The following POLI variants were observed in gnomAD, a reference collection of about 807,000 sequenced individuals.
POLI encodes RAD30 homolog B.
POLI carries 58 observed loss-of-function variants against 51.6 expected under a neutral mutation model. The ratio of observed to expected loss-of-function variants is 1.12; its 90% CI spans 0.91 to 1.40. The LOEUF (loss-of-function observed/expected upper bound fraction) is 1.40, where lower values mean the gene tolerates loss of function less well. POLI is among the 40% of genes most tolerant of loss of function. The pLI is 0.00. For synonymous variants in POLI, 322 were observed against 299.7 expected, an observed-to-expected ratio of 1.07 and a Z score of -0.77; for missense variants, 921 against 871.3, an observed-to-expected ratio of 1.06 and a Z score of -0.72.
Position 54,297,581 on chromosome 18 carries a change from T to C in POLI, c.*3114T>C, listed in dbSNP as rs1284709753. 1 of 978,400 alleles carries C rather than the reference T, an allele frequency of 1.0e-6. No homozygotes were observed. Among genetic ancestry groups the C allele is most frequent in the Non-Finnish European group, 1.2e-6 (1 of 823,864 alleles). 60.6% of individuals were successfully genotyped at this position (978,400 alleles called of 1,614,324 possible). A position where few individuals can be genotyped will look rare whatever the true frequency, so the allele number is the denominator to read the frequency against. ...TTATTTTTTAATATATTTCTTTTTCTATGTTGTGCTTCTTTCCCACCTTTA... is the reference window on the plus strand; with the variant it reads ...TTATTTTTTAATATATTTCTTTTTCCATGTTGTGCTTCTTTCCCACCTTTA... On this transcript the variant is annotated 3_prime_UTR_variant, in exon 10 of 10. Transcript: ENST00000579534.
At chr18:54,307,261 T>G (rs559321215) in intron 3 of POLI, among the ~76,000 whole-genome samples, 1 of 152,358 alleles carries the variant, frequency 6.6e-6, no homozygotes, top group South Asian at 2.1e-4. Context: ...ACACACTGCT[T>G]TAAATATGTC....
At chr18:54,304,478 T>C (rs9675463) in intron 3 of POLI, among the ~76,000 whole-genome samples, 3,239 of 152,328 alleles carry the variant, frequency 0.021, 70 homozygotes, top group African/African-American at 0.063. Context: ...TGGTATCTCA[T>C]TGTGGTTTTG....
rs370925628 is a variant in POLI, at chr18:54,272,868, G to C, written c.242-1058G>C. On this transcript the variant is annotated intron_variant, in intron 2 of 9. Transcript: ENST00000579534. ...ATCTAGCAATCTGATTTTTTATGTA[G>C]TTCACTGAGGAATCTCAAATTATTA... 1.1e-4 allele frequency among the ~76,000 whole-genome samples: 16 copies of C among 151,938 alleles called. 1 individual carries two copies. In the South Asian group the frequency reaches 2.7e-3, roughly 26 times the overall value.
At chr18:54,275,024 A>G (rs1239161378) in intron 3 of POLI, 2 of 152,246 alleles carry the variant, frequency 1.3e-5, no homozygotes, top group Admixed American at 6.5e-5. Context: ...AGGAAATTTG[A>G]ATTAGTAAGA....
chr18:54,310,035 G>C (rs554678981), intron 3 of POLI, among the ~76,000 whole-genome samples: 1 of 152,178 alleles, frequency 6.6e-6, no homozygotes, highest in Non-Finnish European at 1.5e-5. Context: ...CCGGCCCCTT[G>C]TGCTTCCCAG....
rs202200799 is a variant in POLI at position 54,291,828 on chromosome 18, T to C, written c.1199-5T>C. ...ATAATGTTTATTCTTAAACATTTTA[T>C]TTAGGAAATTATGATGTGATGACCC... On this transcript the variant is annotated splice_polypyrimidine_tract_variant and splice_region_variant and intron_variant, in intron 8 of 9. Transcript: ENST00000579534. The C allele has an allele frequency of 1.6e-3, 2,215 of 1,376,622 alleles. 42 individuals carry two copies. In the South Asian group the frequency reaches 0.024, roughly 15 times the overall value. The allele number at this position is 1,376,622 out of a possible 1,614,324, so 85.3% of individuals were successfully genotyped here.
chr18:54,277,642 G>T (rs2087304181), intron 3 of POLI, 61 bp from the exon 4 acceptor site: 1 of 1,086,534 alleles, frequency 9.2e-7, no homozygotes, highest in Admixed American at 2.5e-5. Flanking sequence ...GCACTAGATA[G>T]TTAAATTTAT....
intron 8 of POLI, among the ~76,000 whole-genome samples, chr18:54,289,045 A>G (rs1015603173): frequency 2.0e-5 from 3 of 152,112 alleles, no homozygotes; most frequent in Non-Finnish European, 4.4e-5. Flanking sequence ...AACCTCATAG[A>G]TAATGTATTG....
At chr18:54,310,866 G>A (rs921421510) in intron 3 of POLI, among the ~76,000 whole-genome samples, 1 of 152,022 alleles carries the variant, frequency 6.6e-6, no homozygotes, top group African/African-American at 2.4e-5. Flanking sequence ...TGAGTTCTAG[G>A]TTTGGCCGCC....
chr18:54,284,040 C>T (rs759958791), intron 7 of POLI, 27 bp downstream of exon 7: 1 of 883,678 alleles, frequency 1.1e-6, no homozygotes, highest in Non-Finnish European at 1.8e-6. Flanking sequence ...TTTGCCAAGT[C>T]ATCCTATGTA....
At position 54,295,884 on chromosome 18, in the gene POLI, C is replaced by G. The variant is rs942832654; in HGVS notation, c.*1417C>G. Reference sequence around the variant, plus strand: ...CTCAGGTGATCCTCCACCTTGGCCTCCCAAAGTGCTGGGATTACAGGTGTG... The same window carrying G: ...CTCAGGTGATCCTCCACCTTGGCCTGCCAAAGTGCTGGGATTACAGGTGTG... On this transcript the variant is annotated 3_prime_UTR_variant, in exon 10 of 10. Transcript: ENST00000579534. 3 of 870,796 alleles carry G rather than the reference C, an allele frequency of 3.4e-6. No individual in the cohort carries two copies. In the African/African-American group the frequency reaches 5.5e-5, roughly 16 times the overall value. The allele number at this position is 870,796 out of a possible 1,614,324, so 53.9% of individuals were successfully genotyped here. A position where few individuals can be genotyped will look rare whatever the true frequency, so the allele number is the denominator to read the frequency against.
intron 3 of POLI, among the ~76,000 whole-genome samples, chr18:54,320,038 A>C (rs1487944361): frequency 6.6e-6 from 1 of 152,170 alleles, no homozygotes; most frequent in Admixed American, 6.6e-5. Flanking sequence ...AAATAGTAAA[A>C]ATTGCATACT....
intron 3 of POLI, among the ~76,000 whole-genome samples, chr18:54,318,906 A>G (rs371780737): frequency 2.6e-5 from 4 of 152,302 alleles, no homozygotes. Context: ...CTTTTTTACT[A>G]TAGATACTGG....
At chr18:54,280,568 T>G (rs2087449597) in intron 4 of POLI, 99 bp from the exon 5 acceptor site, 1 of 707,864 alleles carries the variant, frequency 1.4e-6, no homozygotes, top group Non-Finnish European at 2.5e-6. Flanking sequence ...TGGTGGTGGT[T>G]GTTGGATATA....
chr18:54,306,348 A>G (rs180830715), intron 3 of POLI, among the ~76,000 whole-genome samples: 49 of 152,078 alleles, frequency 3.2e-4, no homozygotes, highest in Non-Finnish European at 6.0e-4. Flanking sequence ...GGTTTTTGTC[A>G]TTGGTTCTGT....
chr18:54,285,361 G>A (rs949244229), intron 7 of POLI, among the ~76,000 whole-genome samples: 3 of 152,180 alleles, frequency 2.0e-5, no homozygotes, highest in African/African-American at 4.8e-5. Flanking sequence ...ACCCAGAAGT[G>A]AGACCAGGTG....
intron 8 of POLI, among the ~76,000 whole-genome samples, chr18:54,289,458 A>C (rs1177730629): frequency 6.6e-6 from 1 of 152,052 alleles, no homozygotes; most frequent in Non-Finnish European, 1.5e-5. Flanking sequence ...AACTTTCTTC[A>C]CAGAATTGGA....
intron 7 of POLI, among the ~76,000 whole-genome samples, chr18:54,286,761 T>C (rs2087764485): frequency 1.3e-5 from 2 of 152,058 alleles, no homozygotes; most frequent in Admixed American, 6.6e-5. Context: ...CTGGCCAACA[T>C]GGCAAAACCA....
chr18:54,274,542 A>C (rs2087154961), intron 3 of POLI, among the ~76,000 whole-genome samples: 1 of 151,782 alleles, frequency 6.6e-6, no homozygotes, highest in Admixed American at 6.6e-5. Flanking sequence ...AAAATATTGG[A>C]TATATTAATA....
Sources: gnomAD v4.1 joint callset for allele counts (sites outside exome capture counted in the v4.1 genomes callset) on GRCh38, gnomAD v4.1.1 for gene constraint, MANE v1.5 for transcripts, NCBI Gene and HGNC (gene_info 2026-07-23, HGNC 2026-07-21) for gene names.